Variants in VTI1B observed in about 807,000 individuals in gnomAD.
The protein encoded by VTI1B is vesicle transport through interaction with t-SNAREs 1B.
A neutral mutation model predicts 28.6 loss-of-function variants in VTI1B; 18 were observed. The ratio of observed to expected loss-of-function variants is 0.63; its 90% CI spans 0.43 to 0.93. The LOEUF is 0.93. Among genes scored for constraint, VTI1B ranks in the 40% least tolerant of loss-of-function variants. VTI1B has a pLI of 0.00. For synonymous variants in VTI1B, 100 were observed against 107.9 expected, an observed-to-expected ratio of 0.93 and a Z score of 0.46; for missense variants, 283 against 297.0, an observed-to-expected ratio of 0.95 and a Z score of 0.35.
rs2037270875 is a variant in VTI1B, at chr14:67,657,285, G to GT, written c.367-697dup. 3.3e-5 allele frequency: 5 copies of GT among 152,234 alleles called. No homozygotes were observed. The South Asian group carries it at 8.3e-4, about 25-fold the overall frequency. The allele number at this position is 152,234 out of a possible 1,614,324, so 9.4% of individuals were successfully genotyped here. Reference sequence around the variant, plus strand: ...GACACTACCACATTCTGGAAAAAACGTATGTGGTTACCCTCTTGGTGAGCC... The same window carrying GT: ...GACACTACCACATTCTGGAAAAAACGTTATGTGGTTACCCTCTTGGTGAGCC... On this transcript the variant is annotated intron_variant, in intron 3 of 5. Transcript: ENST00000554659.
At position 67,648,210 on chromosome 14, in the gene VTI1B, G is replaced by GTT; in HGVS notation, c.*3173_*3174dup. 1 of 1,604,524 alleles carries GTT rather than the reference G, an allele frequency of 6.2e-7. No individual in the cohort carries two copies. Among genetic ancestry groups the GTT allele is most frequent in the Non-Finnish European group, 8.5e-7 (1 of 1,173,772 alleles). On this transcript the variant is annotated 3_prime_UTR_variant, in exon 6 of 6. Transcript: ENST00000554659. Reference sequence around the variant, plus strand: ...TATGTAGCAACCAGGTCTGCAGCCTGTTAACTACATAGGTAAATATGCTAG... The same window carrying GTT: ...TATGTAGCAACCAGGTCTGCAGCCTGTTTTAACTACATAGGTAAATATGCTAG...
chr14:67,658,241 C>T (rs1036627234), intron 3 of VTI1B, among the ~76,000 whole-genome samples: 7 of 152,184 alleles, frequency 4.6e-5, no homozygotes, highest in African/African-American at 1.7e-4. Flanking sequence ...AAATGAACTT[C>T]AGACAGATTT....
At chr14:67,658,605 T>C (rs920484070) in intron 3 of VTI1B, among the ~76,000 whole-genome samples, 3 of 151,932 alleles carry the variant, frequency 2.0e-5, no homozygotes, top group Admixed American at 6.6e-5. Context: ...TCAAAAAAAA[T>C]AATAATAATT....
intron 5 of VTI1B, among the ~76,000 whole-genome samples, chr14:67,652,913 C>A (rs2037204878): frequency 6.6e-6 from 1 of 152,108 alleles, no homozygotes. Context: ...GTCTCAGCCT[C>A]CTGAGTAGCT....
intron 1 of VTI1B, among the ~76,000 whole-genome samples, chr14:67,672,718 C>T (rs903994510): frequency 1.3e-5 from 2 of 152,178 alleles, no homozygotes; most frequent in Non-Finnish European, 2.9e-5. Flanking sequence ...GCTGGAATTA[C>T]AGGTGTGAGC....
At chr14:67,665,444 T>G (rs1297125482) in intron 1 of VTI1B, among the ~76,000 whole-genome samples, 1 of 151,882 alleles carries the variant, frequency 6.6e-6, no homozygotes, top group Non-Finnish European at 1.5e-5. Context: ...GCTAATTTTT[T>G]TTTTGGTAGA....
rs781177424 is a variant in VTI1B at position 67,651,138 on chromosome 14, T to G, written c.*247A>C. 1 of 910,962 alleles carries G rather than the reference T, an allele frequency of 1.1e-6. No homozygotes were observed. The highest frequency in any genetic ancestry group is 1.6e-6 in the Non-Finnish European group (1 of 618,894). The allele number at this position is 910,962 out of a possible 1,614,324, so 56.4% of individuals were successfully genotyped here. A position where few individuals can be genotyped will look rare whatever the true frequency, so the allele number is the denominator to read the frequency against. On this transcript the variant is annotated 3_prime_UTR_variant, in exon 6 of 6. Coordinates refer to ENST00000554659, the MANE Select transcript of VTI1B (RefSeq NM_006370.3). ...TTCACAGGGTATTAATATGCTACAG[T>G]ACTATGTAAATTTAAAGAAGTCATA...
At position 67,655,983 on chromosome 14, in the gene VTI1B, C is replaced by T. The variant is rs180972451; in HGVS notation, c.540+433G>A. Among the ~76,000 whole-genome samples, 424 of 152,230 alleles carry T rather than the reference C, an allele frequency of 2.8e-3. 2 individuals carry two copies. The highest frequency in any genetic ancestry group is 0.02 in the Middle Eastern group (6 of 294). ...CAAAGCGGCCGGGCACAGTGGCTCA[C>T]GCCTATAATCCTAGCACTTTGGGAG... On this transcript the variant is annotated intron_variant, in intron 4 of 5. Transcript: ENST00000554659.
intron 1 of VTI1B, among the ~76,000 whole-genome samples, chr14:67,672,540 G>A (rs927745258): frequency 1.3e-5 from 2 of 149,098 alleles, no homozygotes; most frequent in African/African-American, 4.9e-5. Context: ...CCGCCTCCTG[G>A]GTTCAAGCAA....
chr14:67,656,925 G>A (rs1407882193), intron 3 of VTI1B, among the ~76,000 whole-genome samples: 2 of 152,162 alleles, frequency 1.3e-5, no homozygotes, highest in African/African-American at 4.8e-5. Context: ...ACTTCTGAAA[G>A]GTGGCAGCCC....
rs561696900 is a variant in VTI1B at position 67,656,491 on chromosome 14, C to G, written c.465G>C (p.Glu155Asp). The change falls in exon 4 of 6, where the codon GAG becomes GAC. Residue 155 changes from glutamate to aspartate, a missense_variant. By Grantham distance (45) the Glu-to-Asp change is conservative. Coordinates refer to ENST00000554659, the MANE Select transcript of VTI1B (RefSeq NM_006370.3). ...SIERSHRIAT[E>D]TDQIGSEIIE... ...TGATTTCTGAGCCAATCTGGTCAGTCTCTGTGGCAATCCGATGAGAACGTT... is the reference window on the plus strand; with the variant it reads ...TGATTTCTGAGCCAATCTGGTCAGTGTCTGTGGCAATCCGATGAGAACGTT... The G allele has an allele frequency of 1.9e-6, 3 of 1,613,970 alleles. No individual in the cohort carries two copies. The highest frequency in any genetic ancestry group is 2.7e-5 in the African/African-American group (2 of 75,028).
At chr14:67,674,297 T>C (rs1397913170) in intron 1 of VTI1B, 78 bp downstream of exon 1, 1 of 1,355,822 alleles carries the variant, frequency 7.4e-7, no homozygotes, top group Non-Finnish European at 9.9e-7. Flanking sequence ...GGCCCGGGTC[T>C]GGGAGGAAGG....
intron 1 of VTI1B, among the ~76,000 whole-genome samples, 170 bp downstream of exon 1, chr14:67,674,203 ACT>A (rs1423943028): frequency 1.3e-5 from 2 of 152,142 alleles, no homozygotes; most frequent in East Asian, 3.9e-4. Context: ...GGTCCAATTT[ACT>A]CTCAGTGGCA....
intron 1 of VTI1B, among the ~76,000 whole-genome samples, chr14:67,664,777 A>G (rs2037379953): frequency 6.6e-6 from 1 of 152,142 alleles, no homozygotes; most frequent in African/African-American, 2.4e-5. Flanking sequence ...AAGAGAACAG[A>G]TGAGCCGGGC....
intron 5 of VTI1B, among the ~76,000 whole-genome samples, chr14:67,651,982 A>G (rs2037186884): frequency 6.6e-6 from 1 of 152,344 alleles, no homozygotes; most frequent in African/African-American, 2.4e-5. Context: ...TTGTTTACAT[A>G]AAGAATCCAA....
intron 3 of VTI1B, among the ~76,000 whole-genome samples, chr14:67,657,965 T>C (rs2037285206): frequency 6.6e-6 from 1 of 151,898 alleles, no homozygotes; most frequent in African/African-American, 2.4e-5. Flanking sequence ...GCCAGGCTGG[T>C]CTCGAACTCC....
chr14:67,653,335 C>T, intron 5 of VTI1B, 102 bp downstream of exon 5: 1 of 953,386 alleles, frequency 1.0e-6, no homozygotes, highest in East Asian at 2.6e-5. Flanking sequence ...TATGCGTCAA[C>T]TGCTGAGGTG....
chr14:67,647,120 A>G lies in VTI1B; in HGVS notation c.*4265T>C. On this transcript the variant is annotated 3_prime_UTR_variant, in exon 6 of 6. Transcript: ENST00000554659. ...ACAGCAGCTTTACTTTTAAAATACA[A>G]AGCAAAAACATACACATAATTTTAA... The G allele has an allele frequency of 1.2e-5, 10 of 807,036 alleles. No individual in the cohort carries two copies. The South Asian group carries it at 1.5e-4, about 12-fold the overall frequency. 50.0% of individuals were successfully genotyped at this position (807,036 alleles called of 1,614,324 possible). A position where few individuals can be genotyped will look rare whatever the true frequency, so the allele number is the denominator to read the frequency against.
intron 1 of VTI1B, chr14:67,662,959 C>T: frequency 7.5e-7 from 1 of 1,338,310 alleles, no homozygotes; most frequent in Non-Finnish European, 9.5e-7. Context: ...AACCCCTCAC[C>T]ACTCCCACAG....
Sources: allele counts gnomAD v4.1 joint callset (sites outside exome capture counted in the v4.1 genomes callset), GRCh38; gene constraint gnomAD v4.1.1; transcripts MANE v1.5; gene names NCBI Gene and HGNC (gene_info 2026-07-23, HGNC 2026-07-21).